SDC2: variants seen among roughly 807,000 people sequenced by gnomAD.
The protein encoded by SDC2 is syndecan 2.
Under a neutral mutation model 22.2 loss-of-function variants are expected in SDC2, and 13 were observed. The ratio of observed to expected loss-of-function variants is 0.59; its 90% CI spans 0.38 to 0.93. The LOEUF (loss-of-function observed/expected upper bound fraction) is 0.93, where lower values mean the gene tolerates loss of function less well. SDC2 is among the 40% of genes least tolerant of loss of function. The pLI is 0.00. For synonymous variants in SDC2, 94 were observed against 92.8 expected, an observed-to-expected ratio of 1.01 and a Z score of -0.07; for missense variants, 235 against 246.8, an observed-to-expected ratio of 0.95 and a Z score of 0.32.
chr8:96,496,897 C>G (rs1385157970), intron 1 of SDC2, among the ~76,000 whole-genome samples: 1 of 152,214 alleles, frequency 6.6e-6, no homozygotes, highest in Non-Finnish European at 1.5e-5. Flanking sequence ...TTCATACTTT[C>G]CACTGGCAGG....
chr8:96,555,257 G>T (rs1041638138), intron 1 of SDC2, among the ~76,000 whole-genome samples: 2 of 152,126 alleles, frequency 1.3e-5, no homozygotes, highest in African/African-American at 2.4e-5. Context: ...ATGGATGAAA[G>T]AATGAATAAT....
intron 1 of SDC2, among the ~76,000 whole-genome samples, chr8:96,541,213 G>A (rs1328276140): frequency 6.6e-6 from 1 of 151,968 alleles, no homozygotes; most frequent in African/African-American, 2.4e-5. Flanking sequence ...GGCAGATCAC[G>A]AGGTCAAGAG....
intron 1 of SDC2, among the ~76,000 whole-genome samples, chr8:96,530,086 A>G (rs79611420): frequency 0.018 from 2,800 of 152,266 alleles, 49 homozygotes; most frequent in Non-Finnish European, 0.029. Flanking sequence ...GATAAACACT[A>G]TATACATTAA....
intron 1 of SDC2, among the ~76,000 whole-genome samples, chr8:96,526,687 G>A (rs2130472962): frequency 6.6e-6 from 1 of 152,098 alleles, no homozygotes; most frequent in South Asian, 2.1e-4. Flanking sequence ...AGTTTTTAAG[G>A]GCCTTCATAA....
chr8:96,561,803 A>G (rs983277086), intron 1 of SDC2, among the ~76,000 whole-genome samples: 4 of 152,246 alleles, frequency 2.6e-5, no homozygotes, highest in South Asian at 2.1e-4. Flanking sequence ...AAGAAATGCC[A>G]GTTAATGGAA....
chr8:96,517,738 T>C (rs1563645447), intron 1 of SDC2, among the ~76,000 whole-genome samples: 2 of 127,160 alleles, frequency 1.6e-5, no homozygotes, highest in South Asian at 4.7e-4. Context: ...TGTATATATG[T>C]GTGTGCATAA....
chr8:96,608,240 G>A (rs1563680450), intron 3 of SDC2, 95 bp from the exon 4 acceptor site: 2 of 1,215,416 alleles, frequency 1.6e-6, no homozygotes, highest in African/African-American at 1.5e-5. Flanking sequence ...CATTCTTTGG[G>A]GGAAAAAAAA....
intron 1 of SDC2, among the ~76,000 whole-genome samples, chr8:96,538,104 A>G (rs562701088): frequency 2.0e-5 from 3 of 152,312 alleles, no homozygotes; most frequent in Admixed American, 6.5e-5. Flanking sequence ...CTGGGATTAC[A>G]GGCGCACACC....
At chr8:96,528,033 T>C (rs934864526) in intron 1 of SDC2, among the ~76,000 whole-genome samples, 1 of 151,398 alleles carries the variant, frequency 6.6e-6, no homozygotes, top group Non-Finnish European at 1.5e-5. Context: ...TCCAACAAAA[T>C]AGCACTTTTC....
intron 1 of SDC2, among the ~76,000 whole-genome samples, chr8:96,572,927 T>C (rs1302843344): frequency 6.6e-6 from 1 of 152,196 alleles, no homozygotes; most frequent in Admixed American, 6.5e-5. Flanking sequence ...GTTTATTTTG[T>C]TTTGTTCATG....
chr8:96,541,834 TA>T, intron 1 of SDC2, among the ~76,000 whole-genome samples: 1 of 152,204 alleles, frequency 6.6e-6, no homozygotes, highest in Non-Finnish European at 1.5e-5. Context: ...TAAAAATGGT[TA>T]AGAGGGCAAA....
At chr8:96,528,698 A>C (rs1813616287) in intron 1 of SDC2, among the ~76,000 whole-genome samples, 1 of 152,216 alleles carries the variant, frequency 6.6e-6, no homozygotes, top group Admixed American at 6.5e-5. Flanking sequence ...TGGGCTGTCC[A>C]AAATTATAAA....
At chr8:96,526,990 A>G in intron 1 of SDC2, among the ~76,000 whole-genome samples, 1 of 152,136 alleles carries the variant, frequency 6.6e-6, no homozygotes. Flanking sequence ...CTTGTTCCCA[A>G]TACTTGGCTC....
At chr8:96,548,256 G>A (rs1285049904) in intron 1 of SDC2, among the ~76,000 whole-genome samples, 2 of 152,194 alleles carry the variant, frequency 1.3e-5, no homozygotes, top group East Asian at 1.9e-4. Context: ...AAAACAGGAT[G>A]GTTTTCCCAG....
chr8:96,571,095 AAAAT>A (rs1284803804), intron 1 of SDC2, among the ~76,000 whole-genome samples: 1 of 152,234 alleles, frequency 6.6e-6, no homozygotes, highest in Non-Finnish European at 1.5e-5. Flanking sequence ...AAAAAGCCAA[AAAAT>A]ATGTGTCACA....
intron 1 of SDC2, among the ~76,000 whole-genome samples, chr8:96,540,081 G>A (rs888484834): frequency 6.0e-5 from 9 of 150,812 alleles, no homozygotes; most frequent in African/African-American, 2.2e-4. Flanking sequence ...AAAATGTAGT[G>A]TTCATTACAT....
chr8:96,537,952 T>TTTTGTTTG (rs1554601574), intron 1 of SDC2, among the ~76,000 whole-genome samples: 2 of 150,938 alleles, frequency 1.3e-5, no homozygotes, highest in South Asian at 2.1e-4. Flanking sequence ...ATGTTTTGTT[T>TTTTGTTTG]TTTGTTTGTT....
At chr8:96,601,370 G>T (rs763679713) in intron 2 of SDC2, among the ~76,000 whole-genome samples, 22 of 152,032 alleles carry the variant, frequency 1.4e-4, no homozygotes, top group Non-Finnish European at 2.5e-4. Flanking sequence ...GGCCAGGCAC[G>T]GTGGCTCACG....
At chr8:96,515,718 C>G (rs1227592434) in intron 1 of SDC2, among the ~76,000 whole-genome samples, 2 of 152,074 alleles carry the variant, frequency 1.3e-5, no homozygotes, top group African/African-American at 4.8e-5. Flanking sequence ...GAATATACTC[C>G]AAAAAGATCA....
Sources: gnomAD v4.1 joint callset for allele counts (sites outside exome capture counted in the v4.1 genomes callset) on GRCh38, gnomAD v4.1.1 for gene constraint, MANE v1.5 for transcripts, NCBI Gene and HGNC (gene_info 2026-07-23, HGNC 2026-07-21) for gene names.